Variants in PPM1F observed in about 807,000 individuals in gnomAD.
The protein encoded by PPM1F is protein phosphatase 1F.
In PPM1F, 17 loss-of-function variants were observed where a neutral mutation model predicts 35.5. The observed-to-expected ratio is 0.48, with a 90% confidence interval of 0.33 to 0.72. The LOEUF is 0.72. Ranked by LOEUF, PPM1F falls within the 30% of genes least tolerant of loss-of-function variation. The pLI, the probability that PPM1F is intolerant of heterozygous loss-of-function variation, is 0.02. For synonymous variants in PPM1F, 241 were observed against 255.5 expected (o/e 0.94, Z 0.54); for missense variants, 521 against 613.0 (o/e 0.85, Z 1.59).
At chr22:21,950,980 A>G (rs1156544143) in intron 1 of PPM1F, 1 of 152,210 alleles carries the variant, frequency 6.6e-6, no homozygotes, top group African/African-American at 2.4e-5. Context: ...ACTAATACTA[A>G]TAATAGTTAG....
chr22:21,924,082 G>A (rs2070481240), intron 7 of PPM1F, among the ~76,000 whole-genome samples: 1 of 152,088 alleles, frequency 6.6e-6, no homozygotes, highest in Non-Finnish European at 1.5e-5. Flanking sequence ...AGGATGGGCT[G>A]TCAAGAAGGT....
At chr22:21,934,270 G>A in intron 3 of PPM1F, 44 bp from the exon 4 acceptor site, 1 of 1,497,766 alleles carries the variant, frequency 6.7e-7, no homozygotes, top group Non-Finnish European at 9.1e-7. Flanking sequence ...TGCCAACCAA[G>A]CCAGCTGAGG....
intron 6 of PPM1F, chr22:21,925,974 C>A: frequency 3.1e-6 from 1 of 322,732 alleles, no homozygotes; most frequent in Non-Finnish European, 5.7e-6. Context: ...CTTGCGAGCC[C>A]GACACAGACA....
chr22:21,934,881 T>C (rs2070641321), intron 3 of PPM1F: 1 of 102,692 alleles, frequency 9.7e-6, no homozygotes, highest in Admixed American at 1.1e-4. Flanking sequence ...CAAGACTCTG[T>C]CTCAAAAAAA....
intron 3 of PPM1F, chr22:21,935,042 T>G (rs2145798951): frequency 6.6e-6 from 1 of 152,290 alleles, no homozygotes; most frequent in Admixed American, 6.5e-5. Flanking sequence ...ACATAAAAGC[T>G]TGAACACATG....
At chr22:21,947,362 CA>C in intron 1 of PPM1F, 1 of 152,566 alleles carries the variant, frequency 6.6e-6, no homozygotes, top group Admixed American at 6.5e-5. Context: ...CTGACCCCTC[CA>C]AACCCTCCCC....
Position 21,933,375 on chromosome 22 carries a change from A to G in PPM1F, c.747+16T>C, listed in dbSNP as rs746212351. 3.0e-5 allele frequency: 48 copies of G among 1,590,176 alleles called. No homozygotes were observed. Among genetic ancestry groups the G allele is most frequent in the Non-Finnish European group, 3.3e-5 (39 of 1,166,054 alleles). On this transcript the variant is annotated intron_variant, in intron 5 of 7. Transcript: ENST00000263212. ...GGCCTCCAAACTGCACCTGAGGCCC[A>G]GCGGCCAGTCCTCACCTCTCGCTTG...
chr22:21,929,481 C>T (rs957868086), intron 6 of PPM1F, among the ~76,000 whole-genome samples: 14 of 152,222 alleles, frequency 9.2e-5, no homozygotes, highest in Admixed American at 3.3e-4. Context: ...TCTGCCACGA[C>T]GCCATACTGC....
At chr22:21,946,781 A>C (rs1039081240) in intron 1 of PPM1F, 1 of 152,162 alleles carries the variant, frequency 6.6e-6, no homozygotes, top group African/African-American at 2.4e-5. Flanking sequence ...TAATAGGAGG[A>C]GGGAATTGTG....
rs1045152874 is a variant in PPM1F, at chr22:21,939,675, G to A, written c.212C>T (p.Ala71Val). The change falls in exon 3 of 8, where the codon GCC becomes GTC. Residue 71 changes from alanine (A) to valine (V), a missense_variant. Ala to Val is a moderately conservative substitution (Grantham distance 64, BLOSUM62 0). Transcript: ENST00000263212. The surrounding 1 kb of genome is among the most constrained non-coding windows in gnomAD (Gnocchi z 5.1). Reference sequence around the variant, plus strand: ...CAGAGCAGCAGCAAGTGGTGGCGGGGCCTTCCTAGGGATGAGGAGGGGGAA... The same window carrying A: ...CAGAGCAGCAGCAAGTGGTGGCGGGACCTTCCTAGGGATGAGGAGGGGGAA... ...LAMGFLGSRK[A>V]PPPLAAALAH... is the part of the protein sequence containing the mutation. 1.3e-6 allele frequency: 2 copies of A among 1,552,250 alleles called. No individual in the cohort carries two copies. Among genetic ancestry groups the A allele is most frequent in the South Asian group, 1.2e-5 (1 of 84,118 alleles).
At chr22:21,924,996 C>T (rs1447880660) in intron 7 of PPM1F, 1 of 154,192 alleles carries the variant, frequency 6.5e-6, no homozygotes, top group Admixed American at 6.5e-5. Flanking sequence ...CTTCTGGGTT[C>T]AAGTGATTCT....
Position 21,939,688 on chromosome 22 carries a change from TGAG to T in PPM1F, c.207-11_207-9del. ...AGTGGTGGCGGGGCCTTCCTAGGGA[TGAG>T]GAGGGGGAAGTGAGGGGCAGCCCCC... On this transcript the variant is annotated splice_polypyrimidine_tract_variant and intron_variant, in intron 2 of 7. Transcript: ENST00000263212. The surrounding 1 kb of genome is among the most constrained non-coding windows in gnomAD (Gnocchi z 5.1). The T allele has an allele frequency of 6.4e-7, 1 of 1,551,362 alleles. No homozygotes were observed. Among genetic ancestry groups the T allele is most frequent in the Non-Finnish European group, 8.7e-7 (1 of 1,146,862 alleles).
intron 1 of PPM1F, chr22:21,949,377 C>A (rs1014504383): frequency 6.6e-6 from 1 of 152,260 alleles, no homozygotes; most frequent in Non-Finnish European, 1.5e-5. Flanking sequence ...GGACAGGAAT[C>A]ATTTCCTTCC....
intron 1 of PPM1F, chr22:21,950,707 C>G (rs908498096): frequency 6.6e-6 from 1 of 152,238 alleles, no homozygotes; most frequent in African/African-American, 2.4e-5. Flanking sequence ...ACGGCAACCT[C>G]CGCCTCTCAG....
chr22:21,931,957 C>A (rs564683845), intron 5 of PPM1F, among the ~76,000 whole-genome samples: 5 of 152,170 alleles, frequency 3.3e-5, no homozygotes, highest in South Asian at 4.2e-4. Context: ...GGACTATAGG[C>A]GCGTGCCACC....
chr22:21,951,975 C>T (rs747280094), intron 1 of PPM1F: 2 of 152,234 alleles, frequency 1.3e-5, no homozygotes, highest in African/African-American at 4.8e-5. Flanking sequence ...ACTTTCTATC[C>T]CCCGTGGTGA....
At position 21,931,040 on chromosome 22, in the gene PPM1F, G is replaced by C. The variant is rs2070582844; in HGVS notation, c.891+108C>G. On this transcript the variant is annotated intron_variant, in intron 6 of 7. Transcript: ENST00000263212. Reference sequence around the variant, plus strand: ...CAGGGAGCCCTCCCTCTTGAAAGGTGCCAGGATTACTACTACCTGAAGTTC... The same window carrying C: ...CAGGGAGCCCTCCCTCTTGAAAGGTCCCAGGATTACTACTACCTGAAGTTC... The C allele has an allele frequency of 3.3e-6, 5 of 1,522,390 alleles. No homozygotes were observed. In the Admixed American group the frequency reaches 1.0e-4, roughly 30 times the overall value. 94.3% of individuals were successfully genotyped at this position (1,522,390 alleles called of 1,614,324 possible). A position where few individuals can be genotyped will look rare whatever the true frequency, so the allele number is the denominator to read the frequency against.
chr22:21,936,462 C>T (rs1242652303), intron 3 of PPM1F: 2 of 152,240 alleles, frequency 1.3e-5, no homozygotes, highest in Non-Finnish European at 2.9e-5. Context: ...GGCTTTAAAG[C>T]ATGTCCACAA....
At chr22:21,933,675 A>C in intron 4 of PPM1F, 96 bp from the exon 5 acceptor site, 1 of 1,174,168 alleles carries the variant, frequency 8.5e-7, no homozygotes, top group Non-Finnish European at 1.2e-6. Context: ...GTCTGGGAGA[A>C]TCAGTATGGC....
Sources: gnomAD v4.1 joint callset for allele counts (sites outside exome capture counted in the v4.1 genomes callset) on GRCh38, gnomAD v4.1.1 for gene constraint, Gnocchi (gnomAD v3.1) non-coding constraint, MANE v1.5 for transcripts, NCBI Gene and HGNC (gene_info 2026-07-23, HGNC 2026-07-21) for gene names.